FHIT: variants seen among roughly 807,000 people sequenced by gnomAD.
FHIT encodes bis(5'-adenosyl)-triphosphatase.
A neutral mutation model predicts 17.9 loss-of-function variants in FHIT; 19 were observed. The ratio of observed to expected loss-of-function variants is 1.06; its 90% confidence interval spans 0.74 to 1.56. The LOEUF (loss-of-function observed/expected upper bound fraction) is 1.56, where lower values mean the gene tolerates loss of function less well. FHIT is among the 40% of genes most tolerant of loss of function. The pLI, the probability that FHIT is intolerant of heterozygous loss-of-function variation, is 0.00. For synonymous variants in FHIT, 81 were observed against 69.7 expected, an observed-to-expected ratio of 1.16 and a Z score of -0.81; for missense variants, 248 against 189.2, an observed-to-expected ratio of 1.31 and a Z score of -1.82.
chr3:60,447,779 G>C (rs1024083927), intron 5 of FHIT, among the ~76,000 whole-genome samples: 1 of 152,182 alleles, frequency 6.6e-6, no homozygotes, highest in Admixed American at 6.6e-5. Flanking sequence ...GAAGCAAAGA[G>C]ATGGAGATTT....
intron 4 of FHIT, among the ~76,000 whole-genome samples, chr3:60,763,388 C>A (rs1553720566): frequency 6.6e-6 from 1 of 152,160 alleles, no homozygotes; most frequent in Non-Finnish European, 1.5e-5. Flanking sequence ...AACACTCAAC[C>A]ACCTCCATCA....
At chr3:59,780,039 A>G (rs1033086660) in intron 8 of FHIT, among the ~76,000 whole-genome samples, 4 of 152,312 alleles carry the variant, frequency 2.6e-5, no homozygotes, top group East Asian at 1.9e-4. Flanking sequence ...ACGAAAGTCC[A>G]TTTTACCCCT....
chr3:60,650,064 T>G (rs1348747855), intron 4 of FHIT, among the ~76,000 whole-genome samples: 1 of 152,224 alleles, frequency 6.6e-6, no homozygotes, highest in Non-Finnish European at 1.5e-5. Flanking sequence ...GAAAACTCAG[T>G]CTATACTGTG....
At chr3:60,664,888 T>C (rs1172700834) in intron 4 of FHIT, among the ~76,000 whole-genome samples, 3 of 152,096 alleles carry the variant, frequency 2.0e-5, no homozygotes, top group African/African-American at 2.4e-5. Context: ...AGTTTATCAA[T>C]TGTATTAATT....
At chr3:60,361,901 C>G (rs1022052140) in intron 5 of FHIT, among the ~76,000 whole-genome samples, 2 of 152,140 alleles carry the variant, frequency 1.3e-5, no homozygotes, top group African/African-American at 2.4e-5. Context: ...ATCCAGAAGT[C>G]TGTTCCACTT....
intron 5 of FHIT, among the ~76,000 whole-genome samples, chr3:60,410,059 A>C (rs1702007061): frequency 6.6e-6 from 1 of 152,222 alleles, no homozygotes; most frequent in Non-Finnish European, 1.5e-5. Flanking sequence ...ACAGAAGCAA[A>C]ATACAGGATA....
intron 2 of FHIT, among the ~76,000 whole-genome samples, chr3:61,077,911 C>T (rs1037599881): frequency 2.6e-5 from 4 of 152,134 alleles, no homozygotes; most frequent in Non-Finnish European, 5.9e-5. Flanking sequence ...GATTGATGCA[C>T]TGACTGACTG....
chr3:60,046,740 T>C (rs1282248530), intron 5 of FHIT, among the ~76,000 whole-genome samples: 1 of 152,192 alleles, frequency 6.6e-6, no homozygotes, highest in Non-Finnish European at 1.5e-5. Context: ...CTGTAAACAG[T>C]GGGCTTGGTA....
chr3:60,891,019 T>TAGTGGTA (rs1185350392), intron 3 of FHIT, among the ~76,000 whole-genome samples: 1 of 152,130 alleles, frequency 6.6e-6, no homozygotes, highest in Non-Finnish European at 1.5e-5. Flanking sequence ...AATTTCTGCT[T>TAGTGGTA]AGTGGTATTA....
chr3:60,216,281 A>G (rs1021476384), intron 5 of FHIT, among the ~76,000 whole-genome samples: 1 of 152,204 alleles, frequency 6.6e-6, no homozygotes, highest in Non-Finnish European at 1.5e-5. Flanking sequence ...AGACTGATCT[A>G]AAGACAGTCT....
intron 8 of FHIT, among the ~76,000 whole-genome samples, chr3:59,753,995 A>C (rs1164165219): frequency 2.6e-5 from 4 of 152,178 alleles, no homozygotes; most frequent in Non-Finnish European, 5.9e-5. Flanking sequence ...TTTAAAAATA[A>C]TTTTGCCAAC....
chr3:60,034,886 AGTTT>A (rs2106802605), intron 5 of FHIT, among the ~76,000 whole-genome samples: 1 of 152,338 alleles, frequency 6.6e-6, no homozygotes, highest in East Asian at 1.9e-4. Context: ...CACAGCATTG[AGTTT>A]GTTTGATGCA....
Position 60,886,319 on chromosome 3 carries a change from T to C in FHIT, c.-110-64308A>G, listed in dbSNP as rs138488057. Among the ~76,000 whole-genome samples, 13 of 152,330 alleles carry C rather than the reference T, an allele frequency of 8.5e-5. No homozygotes were observed. In the East Asian group the frequency reaches 1.2e-3, roughly 14 times the overall value. ...TTGAAAAATCTTGGCAAGGCGCCTA[T>C]GCTAATAAGAAAGTGATCCAATATT... On this transcript the variant is annotated intron_variant, in intron 3 of 9. Coordinates refer to ENST00000492590, the MANE Select transcript of FHIT (RefSeq NM_002012.4).
At chr3:60,022,439 C>T (rs549358966) in intron 5 of FHIT, among the ~76,000 whole-genome samples, 41 of 152,186 alleles carry the variant, frequency 2.7e-4, no homozygotes, top group African/African-American at 8.4e-4. Flanking sequence ...AAATGATATA[C>T]GTCACTTCTG....
intron 3 of FHIT, among the ~76,000 whole-genome samples, chr3:60,907,781 A>T (rs1706513894): frequency 6.6e-6 from 1 of 152,218 alleles, no homozygotes; most frequent in Non-Finnish European, 1.5e-5. Context: ...AAATTAATCA[A>T]AGATAACTAG....
intron 5 of FHIT, among the ~76,000 whole-genome samples, chr3:60,101,284 G>A (rs1342649082): frequency 6.6e-6 from 1 of 152,216 alleles, no homozygotes. Flanking sequence ...ATGTGGCACT[G>A]TACAGATGGC....
intron 5 of FHIT, among the ~76,000 whole-genome samples, chr3:60,120,225 G>A (rs1370671254): frequency 6.6e-6 from 1 of 152,188 alleles, no homozygotes; most frequent in Admixed American, 6.5e-5. Flanking sequence ...CAACTGGACA[G>A]TAAACTCTCT....
chr3:59,870,269 G>A (rs1193127961), intron 8 of FHIT, among the ~76,000 whole-genome samples: 2 of 152,066 alleles, frequency 1.3e-5, no homozygotes, highest in African/African-American at 4.8e-5. Flanking sequence ...CTTTTCACTC[G>A]GAATATAAGG....
intron 2 of FHIT, among the ~76,000 whole-genome samples, chr3:61,119,764 G>A (rs2036402378): frequency 6.6e-6 from 1 of 152,214 alleles, no homozygotes; most frequent in Admixed American, 6.5e-5. Flanking sequence ...TTATGGAGCA[G>A]GGACATCAGC....
Sources: allele counts gnomAD v4.1 joint callset (sites outside exome capture counted in the v4.1 genomes callset), GRCh38; gene constraint gnomAD v4.1.1; transcripts MANE v1.5; gene names NCBI Gene and HGNC (gene_info 2026-07-23, HGNC 2026-07-21).